SDK1: variants seen among roughly 807,000 people sequenced by gnomAD.
SDK1 encodes the protein protein sidekick-1.
A neutral mutation model predicts 245.5 loss-of-function variants in SDK1; 157 were observed. The ratio of observed to expected loss-of-function variants is 0.64; its 90% CI spans 0.56 to 0.73. SDK1 has a LOEUF of 0.73. Ranked by LOEUF, SDK1 falls within the 30% of genes least tolerant of loss-of-function variation. The probability of loss-of-function intolerance (pLI) is 0.00; values close to 1 mark genes in which losing one functional copy is unlikely to be tolerated. For missense variants in SDK1, 3,583 were observed against 3,002.3 expected (o/e 1.19, Z -4.52); for synonymous variants, 1,647 against 1,278.5 (o/e 1.29, Z -6.15).
intron 1 of SDK1, among the ~76,000 whole-genome samples, chr7:3,402,155 C>T (rs950275415): frequency 6.6e-6 from 1 of 152,190 alleles, no homozygotes; most frequent in East Asian, 1.9e-4. Context: ...GCAAAAAGAA[C>T]TTGAGAAAGC....
At chr7:4,035,023 G>C (rs568616346) in intron 17 of SDK1, among the ~76,000 whole-genome samples, 3 of 152,298 alleles carry the variant, frequency 2.0e-5, no homozygotes, top group East Asian at 1.9e-4. Flanking sequence ...CTGTTGCCCA[G>C]GCTGGAGTGC....
chr7:3,796,829 TAA>T (rs1308517380), intron 4 of SDK1, among the ~76,000 whole-genome samples: 2 of 152,214 alleles, frequency 1.3e-5, no homozygotes, highest in Middle Eastern at 3.2e-3. Context: ...TCTTGTTTTT[TAA>T]AGAGACTAAA....
intron 9 of SDK1, among the ~76,000 whole-genome samples, chr7:3,964,511 G>A (rs1781945017): frequency 6.6e-6 from 1 of 151,976 alleles, no homozygotes; most frequent in South Asian, 2.1e-4. Flanking sequence ...AACAATTGTA[G>A]TTCTTTTGTG....
chr7:3,774,769 A>G (rs1780502482), intron 4 of SDK1, among the ~76,000 whole-genome samples: 1 of 152,110 alleles, frequency 6.6e-6, no homozygotes, highest in South Asian at 2.1e-4. Context: ...AGGTTTTATG[A>G]TCTTCTCCTG....
intron 35 of SDK1, among the ~76,000 whole-genome samples, chr7:4,185,341 T>G (rs953830469): frequency 6.6e-5 from 10 of 152,188 alleles, no homozygotes; most frequent in African/African-American, 2.4e-4. Context: ...TTCCGGGCAC[T>G]GTGGGACCAC....
intron 5 of SDK1, among the ~76,000 whole-genome samples, chr7:3,920,443 G>C (rs912901733): frequency 6.6e-6 from 1 of 152,076 alleles, no homozygotes; most frequent in Non-Finnish European, 1.5e-5. Context: ...GGTCATCTAC[G>C]GGGAGAAAGA....
chr7:3,818,759 A>G (rs1247457133), intron 4 of SDK1, among the ~76,000 whole-genome samples: 1 of 152,204 alleles, frequency 6.6e-6, no homozygotes, highest in Non-Finnish European at 1.5e-5. Flanking sequence ...GAAGGACCCA[A>G]GTGCTTTCCG....
At chr7:4,080,836 A>G (rs1163934299) in intron 22 of SDK1, among the ~76,000 whole-genome samples, 1 of 152,162 alleles carries the variant, frequency 6.6e-6, no homozygotes, top group Non-Finnish European at 1.5e-5. Context: ...GTGCACACGT[A>G]CCCTAAAACT....
chr7:3,518,650 G>C (rs1037266514), intron 1 of SDK1, among the ~76,000 whole-genome samples: 1 of 152,146 alleles, frequency 6.6e-6, no homozygotes, highest in East Asian at 1.9e-4. Flanking sequence ...ATCCCAGATA[G>C]GATGGCCATT....
chr7:3,585,954 T>C (rs932249149), intron 1 of SDK1, among the ~76,000 whole-genome samples: 1 of 152,218 alleles, frequency 6.6e-6, no homozygotes, highest in Non-Finnish European at 1.5e-5. Flanking sequence ...AGTATGTGGC[T>C]CTTTGTTTCA....
At position 3,971,480 on chromosome 7, in the gene SDK1, G is replaced by C. The variant is rs201228093; in HGVS notation, c.1729G>C (p.Val577Leu). 1 of 1,612,600 alleles carries C rather than the reference G, an allele frequency of 6.2e-7. No homozygotes were observed. The highest frequency in any genetic ancestry group is 8.5e-7 in the Non-Finnish European group (1 of 1,179,022). The change falls in exon 12 of 45, where the codon GTC becomes CTC. Residue 577 changes from valine (V) to leucine (L), a missense_variant. Transcript: ENST00000404826. The stretch of plus-strand genomic sequence containing the variant: ...GTTTTTTTCAGATCGGACGTCCATC[G>C]TCCACCCTCCTGAGGACCACGTGGT... ...TLTVWNRTSI[V>L]HPPEDHVVIK...
At chr7:4,028,945 C>T (rs982584914) in intron 17 of SDK1, among the ~76,000 whole-genome samples, 4 of 152,098 alleles carry the variant, frequency 2.6e-5, no homozygotes, top group Non-Finnish European at 4.4e-5. Context: ...AAAAGGAAGA[C>T]GCCAAGAGAA....
rs1275548750 is a variant in SDK1, at chr7:4,221,295, C to T, written c.5758C>T (p.Leu1920=). The change falls in exon 40 of 45, where the codon CTG becomes TTG. Residue 1920 remains leucine, a synonymous_variant. Coordinates refer to ENST00000404826, the MANE Select transcript of SDK1 (RefSeq NM_152744.4). ...CACCAAGTCCGCCTCTGAACTGACG[C>T]TGCAGTGGACTGAGGGACACTCTGG... ...LVTKSASELT[L]QWTEGHSGDT... 1.9e-6 allele frequency: 3 copies of T among 1,613,782 alleles called. No homozygotes were observed. In the East Asian group the frequency reaches 6.7e-5, roughly 36 times the overall value.
chr7:4,182,213 G>A (rs374388430), intron 35 of SDK1, among the ~76,000 whole-genome samples: 64 of 152,154 alleles, frequency 4.2e-4, no homozygotes, highest in Admixed American at 2.3e-3. Flanking sequence ...CCTGAGGAGC[G>A]GCTGCCACTG....
chr7:4,017,724 G>C (rs763390954), intron 17 of SDK1, among the ~76,000 whole-genome samples: 7 of 152,186 alleles, frequency 4.6e-5, no homozygotes, highest in Admixed American at 1.3e-4. Flanking sequence ...GTTTTTCAAA[G>C]AGCACGATGA....
At chr7:3,457,148 G>A (rs943567374) in intron 1 of SDK1, among the ~76,000 whole-genome samples, 1 of 152,084 alleles carries the variant, frequency 6.6e-6, no homozygotes, top group Non-Finnish European at 1.5e-5. Context: ...CTTGGGTGTC[G>A]TTACTGGGAT....
At chr7:3,542,829 A>C (rs913278991) in intron 1 of SDK1, among the ~76,000 whole-genome samples, 1 of 152,184 alleles carries the variant, frequency 6.6e-6, no homozygotes, top group African/African-American at 2.4e-5. Flanking sequence ...AATTAGAAAA[A>C]ACATCAAAGA....
chr7:3,937,878 C>T (rs930289425), intron 5 of SDK1, among the ~76,000 whole-genome samples: 1 of 152,122 alleles, frequency 6.6e-6, no homozygotes, highest in Non-Finnish European at 1.5e-5. Context: ...CACTCTGTCG[C>T]CCAGACTGGA....
In SDK1 at chr7:3,611,654, A is replaced by G. The variant is rs186313493; in HGVS notation, c.299-7426A>G. On this transcript the variant is annotated intron_variant, in intron 1 of 44. Transcript: ENST00000404826. ...TTCCATAGTGGTCGTGCTAGTTTAC[A>G]TTCCTAGCAGCAGTGTAAAAGTGTT... 2.4e-3 allele frequency among the ~76,000 whole-genome samples: 368 copies of G among 152,270 alleles called. 3 individuals are homozygous for G. The highest frequency in any genetic ancestry group is 0.018 in the South Asian group (85 of 4,828).
Sources: allele counts gnomAD v4.1 joint callset (sites outside exome capture counted in the v4.1 genomes callset), GRCh38; gene constraint gnomAD v4.1.1; transcripts MANE v1.5; gene names NCBI Gene and HGNC (gene_info 2026-07-23, HGNC 2026-07-21).